Variants in PHTF2 observed in about 807,000 individuals in gnomAD.
PHTF2 encodes the protein putative homeodomain transcription factor 2.
PHTF2 carries 60 observed loss-of-function variants against 101.2 expected under a neutral mutation model. That is an observed-to-expected ratio of 0.59 (90% confidence interval 0.48 to 0.73). PHTF2 has a LOEUF of 0.73. Among genes scored for constraint, PHTF2 ranks in the 30% least tolerant of loss-of-function variants. The pLI is 0.00. For missense variants in PHTF2, 747 were observed against 908.7 expected (o/e 0.82, Z 2.29); for synonymous variants, 311 against 307.3 (o/e 1.01, Z -0.13).
At chr7:77,812,757 T>G (rs1793542230) in intron 1 of PHTF2, among the ~76,000 whole-genome samples, 1 of 151,952 alleles carries the variant, frequency 6.6e-6, no homozygotes, top group Non-Finnish European at 1.5e-5. Context: ...GCCCAGCTGA[T>G]TTTTTGTGTT....
intron 3 of PHTF2, among the ~76,000 whole-genome samples, chr7:77,871,996 G>T (rs1798558152): frequency 6.6e-6 from 1 of 152,196 alleles, no homozygotes. Flanking sequence ...TTCCGTGATG[G>T]AAAAGGTTCA....
At chr7:77,826,941 G>A (rs1406970355) in intron 1 of PHTF2, among the ~76,000 whole-genome samples, 1 of 152,180 alleles carries the variant, frequency 6.6e-6, no homozygotes, top group Admixed American at 6.6e-5. Context: ...CTTCAGGTAT[G>A]GCAAAGCCAT....
At chr7:77,927,157 CAAAAAAAA>C (rs869210694) in intron 11 of PHTF2, among the ~76,000 whole-genome samples, 3 of 36,534 alleles carry the variant, frequency 8.2e-5, no homozygotes, top group Middle Eastern at 0.019. Flanking sequence ...GACTCCATCT[CAAAAAAAA>C]AAAAAAAAAA....
At chr7:77,879,856 C>T (rs1799262866) in intron 3 of PHTF2, among the ~76,000 whole-genome samples, 1 of 152,204 alleles carries the variant, frequency 6.6e-6, no homozygotes, top group Non-Finnish European at 1.5e-5. Context: ...CTCTTCTACT[C>T]ACAGTACTTT....
chr7:77,934,165 T>C (rs984430725), intron 12 of PHTF2, among the ~76,000 whole-genome samples: 2 of 152,246 alleles, frequency 1.3e-5, no homozygotes, highest in Non-Finnish European at 2.9e-5. Context: ...GACCTTTTTC[T>C]GTCTGCTATA....
At chr7:77,929,455 T>C (rs761284783) in intron 12 of PHTF2, 128 bp downstream of exon 11, 28 of 593,778 alleles carry the variant, frequency 4.7e-5, no homozygotes, top group Non-Finnish European at 7.1e-5. Flanking sequence ...TTTCTTTTTA[T>C]GTGAGCTGTG....
intron 9 of PHTF2, among the ~76,000 whole-genome samples, chr7:77,917,915 A>G (rs1803084612): frequency 6.6e-6 from 1 of 152,200 alleles, no homozygotes; most frequent in Admixed American, 6.5e-5. Flanking sequence ...AATACCTACT[A>G]CAGCTTAGTA....
chr7:77,810,160 A>C (rs929468349), intron 1 of PHTF2, among the ~76,000 whole-genome samples: 1 of 152,040 alleles, frequency 6.6e-6, no homozygotes, highest in Non-Finnish European at 1.5e-5. Context: ...TATTTGCTTT[A>C]TCATTTTCTT....
chr7:77,946,450 G>C (rs1806056528), intron 16 of PHTF2, among the ~76,000 whole-genome samples: 1 of 151,994 alleles, frequency 6.6e-6, no homozygotes, highest in African/African-American at 2.4e-5. Flanking sequence ...AAAAAAAAGT[G>C]GTCTAAAGTT....
intron 7 of PHTF2, among the ~76,000 whole-genome samples, chr7:77,903,929 G>GT (rs139251593): frequency 2.7e-4 from 41 of 152,124 alleles, no homozygotes; most frequent in Non-Finnish European, 2.9e-4. Context: ...ACTATGTATA[G>GT]TTTTTTTTAT....
At chr7:77,953,715 T>C in intron 18 of PHTF2, 54 bp from the exon 18 acceptor site, 1 of 1,536,348 alleles carries the variant, frequency 6.5e-7, no homozygotes, top group Non-Finnish European at 8.9e-7. Context: ...TGTTCTGAAT[T>C]AGCTTAGTAA....
chr7:77,906,415 A>G (rs186726293), intron 7 of PHTF2: 1 of 152,344 alleles, frequency 6.6e-6, no homozygotes, highest in Admixed American at 6.5e-5. Context: ...TTAGAAAGAT[A>G]CAGTCAGAAG....
At chr7:77,866,244 G>A (rs928105908) in intron 3 of PHTF2, among the ~76,000 whole-genome samples, 1 of 151,190 alleles carries the variant, frequency 6.6e-6, no homozygotes, top group Non-Finnish European at 1.5e-5. Context: ...AACATTTCCT[G>A]AAGTGTGCTC....
At chr7:77,918,960 A>G (rs1382259373) in intron 9 of PHTF2, among the ~76,000 whole-genome samples, 1 of 152,244 alleles carries the variant, frequency 6.6e-6, no homozygotes, top group Non-Finnish European at 1.5e-5. Context: ...GAAGAAGGAC[A>G]AGGAAGGAAA....
At chr7:77,830,612 C>A (rs1795008669) in intron 1 of PHTF2, among the ~76,000 whole-genome samples, 1 of 152,146 alleles carries the variant, frequency 6.6e-6, no homozygotes, top group African/African-American at 2.4e-5. Context: ...GCCTGATTGT[C>A]TGAGGTGGAG....
At chr7:77,814,677 A>G (rs1212444831) in intron 1 of PHTF2, among the ~76,000 whole-genome samples, 1 of 151,794 alleles carries the variant, frequency 6.6e-6, no homozygotes, top group Admixed American at 6.6e-5. Flanking sequence ...GCGCCCAGCT[A>G]ATTTTTGTAT....
chr7:77,955,598 T>C (rs1354563701), exon 20 of PHTF2: 1 of 152,624 alleles, frequency 6.6e-6, no homozygotes, highest in Non-Finnish European at 1.5e-5. Context: ...ATGTGCACTT[T>C]TTAAAATTGT....
At chr7:77,843,703 A>G (rs1011040945) in intron 2 of PHTF2, among the ~76,000 whole-genome samples, 4 of 152,188 alleles carry the variant, frequency 2.6e-5, no homozygotes, top group Non-Finnish European at 5.9e-5. Context: ...TTCTACATTG[A>G]CTAGCTAATG....
intron 11 of PHTF2, 21 bp from the exon 11 acceptor site, chr7:77,929,088 C>CA (rs1562959068): frequency 1.3e-6 from 2 of 1,563,962 alleles, no homozygotes; most frequent in Admixed American, 3.4e-5. Context: ...GTATTAATGT[C>CA]AAAGAATATC....
Sources: gnomAD v4.1 joint callset for allele counts (sites outside exome capture counted in the v4.1 genomes callset) on GRCh38, gnomAD v4.1.1 for gene constraint, MANE v1.5 for transcripts, NCBI Gene and HGNC (gene_info 2026-07-23, HGNC 2026-07-21) for gene names.